INPP5D: variants seen among roughly 807,000 people sequenced by gnomAD.
The protein encoded by INPP5D is inositol polyphosphate-5-phosphatase D, also known as phosphatidylinositol 3,4,5-trisphosphate 5-phosphatase 1.
In INPP5D, 33 loss-of-function variants were observed where a neutral mutation model predicts 122.9. That is an observed-to-expected ratio of 0.27 (90% CI 0.20 to 0.36). INPP5D has a LOEUF of 0.36. Ranked by LOEUF, INPP5D falls within the 10% of genes least tolerant of loss-of-function variation. The pLI is 1.00. For missense variants in INPP5D, 1,053 were observed against 1,412.7 expected (o/e 0.75, Z 4.08); for synonymous variants, 584 against 576.2 (o/e 1.01, Z -0.19).
chr2:233,165,545 TGTGA>T (rs551946173), intron 13 of INPP5D, among the ~76,000 whole-genome samples: 72 of 152,024 alleles, frequency 4.7e-4, no homozygotes, highest in South Asian at 1.7e-3. Context: ...TCTATGAGTG[TGTGA>T]GTGTCTATGT....
chr2:233,121,706 A>G (rs1692984846), intron 2 of INPP5D, among the ~76,000 whole-genome samples: 1 of 149,886 alleles, frequency 6.7e-6, no homozygotes, highest in Non-Finnish European at 1.5e-5. Flanking sequence ...TTTTTTTGTT[A>G]GCAGAGATGG....
intron 2 of INPP5D, among the ~76,000 whole-genome samples, chr2:233,098,411 G>C (rs1394130345): frequency 6.6e-6 from 1 of 152,206 alleles, no homozygotes; most frequent in East Asian, 1.9e-4. Flanking sequence ...TCTTTGGTGA[G>C]ACGTGGTGCT....
At position 233,139,590 on chromosome 2, in the gene INPP5D, A is replaced by T. The variant is rs998521984; in HGVS notation, c.666-252A>T. On this transcript the variant is annotated intron_variant, in intron 5 of 26. Coordinates refer to ENST00000445964, the MANE Select transcript of INPP5D (RefSeq NM_001017915.3). Reference sequence around the variant, plus strand: ...GATTTGAATTTTCTACAGGCTATAGAGTGCAGTTTGGCTAAAGCAAAACCT... The same window carrying T: ...GATTTGAATTTTCTACAGGCTATAGTGTGCAGTTTGGCTAAAGCAAAACCT... Among the ~76,000 whole-genome samples the T allele has an allele frequency of 3.9e-5, 6 of 152,238 alleles. No homozygotes were observed. In the South Asian group the frequency reaches 1.2e-3, roughly 32 times the overall value.
At chr2:233,099,710 A>C (rs1029797503) in intron 2 of INPP5D, among the ~76,000 whole-genome samples, 20 of 152,226 alleles carry the variant, frequency 1.3e-4, no homozygotes, top group African/African-American at 4.3e-4. Context: ...TCTACATAAT[A>C]ATCTGGATTT....
chr2:233,137,454 T>A (rs1365378150), intron 5 of INPP5D, among the ~76,000 whole-genome samples: 1 of 17,136 alleles, frequency 5.8e-5, no homozygotes, highest in Non-Finnish European at 1.3e-4. Context: ...TCCATTAAAC[T>A]TTTTTTTTTT....
intron 2 of INPP5D, among the ~76,000 whole-genome samples, chr2:233,118,172 G>A (rs930509777): frequency 6.6e-6 from 1 of 152,124 alleles, no homozygotes; most frequent in Non-Finnish European, 1.5e-5. Context: ...GCCCCTCCTG[G>A]CTTTGACTGG....
intron 5 of INPP5D, among the ~76,000 whole-genome samples, chr2:233,138,184 T>C (rs1009491715): frequency 9.1e-4 from 137 of 150,166 alleles, no homozygotes; most frequent in African/African-American, 3.2e-3. Context: ...GCCCCGTCTC[T>C]ACTAAAAATA....
Position 233,115,923 on chromosome 2 carries a change from C to T in INPP5D, c.199-6184C>T, listed in dbSNP as rs147941097. Among the ~76,000 whole-genome samples the T allele has an allele frequency of 1.5e-3, 223 of 152,216 alleles. 1 individual carries two copies. The highest frequency in any genetic ancestry group is 0.012 in the East Asian group (64 of 5,184). ...GGCAGGCACAGCAACTATGACATGA[C>T]GCAGAGTGAGCTGCTGATTCTAAGC... On this transcript the variant is annotated intron_variant, in intron 2 of 26. Coordinates refer to ENST00000445964, the MANE Select transcript of INPP5D (RefSeq NM_001017915.3).
chr2:233,129,348 GT>G (rs1342284680), intron 4 of INPP5D, among the ~76,000 whole-genome samples: 1 of 152,198 alleles, frequency 6.6e-6, no homozygotes, highest in African/African-American at 2.4e-5. Flanking sequence ...TTAGCATAGT[GT>G]CTGGTATGCT....
chr2:233,088,975 T>C (rs922344419), intron 2 of INPP5D, among the ~76,000 whole-genome samples: 5 of 152,216 alleles, frequency 3.3e-5, no homozygotes, highest in Admixed American at 2.6e-4. Flanking sequence ...CCTGTCTGCC[T>C]TGGGATCCTC....
At chr2:233,096,327 A>G (rs145066361) in intron 2 of INPP5D, among the ~76,000 whole-genome samples, 7 of 152,286 alleles carry the variant, frequency 4.6e-5, no homozygotes, top group African/African-American at 1.7e-4. Flanking sequence ...ATGTGATCGC[A>G]ATATTTTATT....
intron 2 of INPP5D, among the ~76,000 whole-genome samples, chr2:233,098,152 C>A (rs1692200016): frequency 6.6e-6 from 1 of 152,126 alleles, no homozygotes; most frequent in South Asian, 2.1e-4. Flanking sequence ...CTCAGCCTCC[C>A]AAAGTGCTGG....
intron 2 of INPP5D, among the ~76,000 whole-genome samples, chr2:233,086,379 A>G (rs186631946): frequency 6.6e-6 from 1 of 152,042 alleles, no homozygotes; most frequent in Admixed American, 6.6e-5. Context: ...GGACTTCACT[A>G]TGTTGGTCAG....
intron 23 of INPP5D, among the ~76,000 whole-genome samples, chr2:233,194,631 G>A (rs1047364031): frequency 3.3e-5 from 5 of 150,934 alleles, no homozygotes; most frequent in African/African-American, 1.2e-4. Context: ...CAGAGTAGCT[G>A]GGACTATAGG....
In INPP5D at chr2:233,137,875, T is replaced by TACAC. The variant is rs1559313404; in HGVS notation, c.666-1966_666-1965insCACA. On this transcript the variant is annotated intron_variant, in intron 5 of 26. Transcript: ENST00000445964. ...AAAAATATATATATATATATATATA[T>TACAC]ATATATATATATATATATATATACA... 2.7e-4 allele frequency among the ~76,000 whole-genome samples: 13 copies of TACAC among 47,908 alleles called. 4 individuals carry two copies. Among genetic ancestry groups the TACAC allele is most frequent in the Admixed American group, 4.7e-4 (2 of 4,232 alleles). The allele number at this position is 47,908 out of a possible 152,430, so 31.4% of individuals were successfully genotyped here. A position where few individuals can be genotyped will look rare whatever the true frequency, so the allele number is the denominator to read the frequency against.
chr2:233,084,193 A>G (rs1691768926), intron 2 of INPP5D, among the ~76,000 whole-genome samples: 1 of 152,224 alleles, frequency 6.6e-6, no homozygotes, highest in Non-Finnish European at 1.5e-5. Flanking sequence ...AGCTGAGATT[A>G]CAGGTGTGCA....
intron 21 of INPP5D, 74 bp downstream of exon 21, chr2:233,185,999 G>A (rs1694904006): frequency 1.4e-6 from 2 of 1,463,960 alleles, no homozygotes; most frequent in Admixed American, 2.3e-5. Flanking sequence ...CAGTGGCAGA[G>A]CTATGGCCAG....
intron 25 of INPP5D, among the ~76,000 whole-genome samples, chr2:233,199,773 G>C (rs955023027): frequency 2.6e-5 from 4 of 152,058 alleles, no homozygotes; most frequent in Non-Finnish European, 5.9e-5. Context: ...AGGTTGCAGT[G>C]AGCTGAGATC....
chr2:233,102,869 C>CAAAAAA (rs1041744645), intron 2 of INPP5D, among the ~76,000 whole-genome samples: 2,505 of 145,464 alleles, frequency 0.017, 62 homozygotes, highest in African/African-American at 0.025. Flanking sequence ...AAAAAACAAC[C>CAAAAAA]AAAAAACCAC....
Sources: allele counts gnomAD v4.1 joint callset (sites outside exome capture counted in the v4.1 genomes callset), GRCh38; gene constraint gnomAD v4.1.1; transcripts MANE v1.5; gene names NCBI Gene and HGNC (gene_info 2026-07-23, HGNC 2026-07-21).